The following BRINP3 variants were observed in gnomAD, a reference collection of about 807,000 sequenced individuals.
BRINP3 encodes BMP/retinoic acid inducible neural specific 3, also known as BMP/retinoic acid-inducible neural-specific protein 3.
A neutral mutation model predicts 71.0 loss-of-function variants in BRINP3; 19 were observed. The ratio of observed to expected loss-of-function variants is 0.27; its 90% confidence interval spans 0.19 to 0.39. The LOEUF is 0.39. BRINP3 is among the 10% of genes least tolerant of loss of function. BRINP3 has a pLI of 1.00. For synonymous variants in BRINP3, 380 were observed against 337.7 expected (o/e 1.13, Z -1.37); for missense variants, 959 against 940.8 (o/e 1.02, Z -0.25).
chr1:190,257,931 T>TG (rs1346651444), intron 4 of BRINP3, among the ~76,000 whole-genome samples: 1 of 152,148 alleles, frequency 6.6e-6, no homozygotes, highest in Non-Finnish European at 1.5e-5. Context: ...TTAGGCTACA[T>TG]GGGGGGTCAG....
At chr1:190,221,699 G>T (rs1656907307) in intron 6 of BRINP3, among the ~76,000 whole-genome samples, 1 of 152,078 alleles carries the variant, frequency 6.6e-6, no homozygotes, top group Non-Finnish European at 1.5e-5. Flanking sequence ...GATACACATA[G>T]ACTGAGCGTG....
At position 190,329,449 on chromosome 1, in the gene BRINP3, A is replaced by C. The variant is rs115221173; in HGVS notation, c.237-47699T>G. Among the ~76,000 whole-genome samples the C allele has an allele frequency of 7.0e-3, 1,071 of 152,124 alleles. 11 individuals are homozygous for C. Among genetic ancestry groups the C allele is most frequent in the African/African-American group, 0.022 (923 of 41,546 alleles). ...TTTACAATATCTGCACACACACAAA[A>C]AAAAAATACCTAGAAATATGTCTAA... On this transcript the variant is annotated intron_variant, in intron 2 of 7. Coordinates refer to ENST00000367462, the MANE Select transcript of BRINP3 (RefSeq NM_199051.3).
chr1:190,328,453 C>T (rs922092065), intron 2 of BRINP3, among the ~76,000 whole-genome samples: 3 of 151,866 alleles, frequency 2.0e-5, no homozygotes, highest in Admixed American at 6.6e-5. Flanking sequence ...TCTAGAAAAT[C>T]TAGAGGACAC....
At chr1:190,107,249 A>G (rs1025945514) in intron 7 of BRINP3, among the ~76,000 whole-genome samples, 3 of 151,928 alleles carry the variant, frequency 2.0e-5, no homozygotes, top group African/African-American at 7.2e-5. Flanking sequence ...TCATTACTCA[A>G]TAAGATATTT....
chr1:190,224,455 ATC>A (rs1284551803), intron 6 of BRINP3, among the ~76,000 whole-genome samples: 1 of 151,796 alleles, frequency 6.6e-6, no homozygotes, highest in Non-Finnish European at 1.5e-5. Context: ...CTAGACCCCT[ATC>A]TCTCACCATA....
At chr1:190,248,967 A>G (rs997808992) in intron 4 of BRINP3, among the ~76,000 whole-genome samples, 1 of 151,928 alleles carries the variant, frequency 6.6e-6, no homozygotes, top group Admixed American at 6.6e-5. Flanking sequence ...TTTCCCTATC[A>G]GCTATATTTC....
At chr1:190,262,557 A>T (rs2102865541) in intron 4 of BRINP3, among the ~76,000 whole-genome samples, 1 of 152,196 alleles carries the variant, frequency 6.6e-6, no homozygotes, top group East Asian at 1.9e-4. Flanking sequence ...ACCTAGTATG[A>T]AGCCCCCTTT....
At chr1:190,361,654 G>C in intron 2 of BRINP3, among the ~76,000 whole-genome samples, 1 of 151,944 alleles carries the variant, frequency 6.6e-6, no homozygotes, top group East Asian at 1.9e-4. Flanking sequence ...CGCCCACCTT[G>C]GCCTCCCAAA....
chr1:190,412,480 T>TTTTTA, intron 2 of BRINP3, among the ~76,000 whole-genome samples: 1 of 145,684 alleles, frequency 6.9e-6, no homozygotes, highest in African/African-American at 2.5e-5. Flanking sequence ...TTTTTTTTTT[T>TTTTTA]GAGACGGAGT....
chr1:190,215,709 G>A (rs1656352597), intron 6 of BRINP3, among the ~76,000 whole-genome samples: 2 of 151,838 alleles, frequency 1.3e-5, no homozygotes, highest in African/African-American at 4.8e-5. Context: ...TTCTCTAACA[G>A]TTACACCTAG....
intron 2 of BRINP3, among the ~76,000 whole-genome samples, chr1:190,413,061 T>G (rs1672794058): frequency 6.6e-6 from 1 of 152,176 alleles, no homozygotes; most frequent in Non-Finnish European, 1.5e-5. Context: ...AGTAATAACT[T>G]TTTAAAAGAA....
intron 2 of BRINP3, among the ~76,000 whole-genome samples, chr1:190,447,935 C>A (rs12022211): frequency 0.35 from 53,372 of 151,292 alleles, 9,638 homozygotes; most frequent in African/African-American, 0.4. Flanking sequence ...AACCTATAAA[C>A]CTTTACACAA....
chr1:190,325,673 T>C (rs928687169), intron 2 of BRINP3, among the ~76,000 whole-genome samples: 1 of 152,090 alleles, frequency 6.6e-6, no homozygotes, highest in African/African-American at 2.4e-5. Flanking sequence ...TATGTAACTA[T>C]TCAGAAGACA....
intron 4 of BRINP3, among the ~76,000 whole-genome samples, chr1:190,251,069 C>CAAT (rs1660096886): frequency 6.6e-6 from 1 of 150,628 alleles, no homozygotes. Context: ...ATAATAACAA[C>CAAT]AACAATAATA....
chr1:190,229,777 T>A (rs1657780708), intron 5 of BRINP3, among the ~76,000 whole-genome samples: 1 of 151,964 alleles, frequency 6.6e-6, no homozygotes, highest in African/African-American at 2.4e-5. Context: ...AAACTAAATC[T>A]TCTCTGAAGG....
At position 190,195,584 on chromosome 1, in the gene BRINP3, A is replaced by C. The variant is rs537170186; in HGVS notation, c.961+30498T>G. ...ACTTTTCCTTCAAATTTTCCTATGT[A>C]TTATACGTATGAAGAATTCCTTTTC... On this transcript the variant is annotated intron_variant, in intron 6 of 7. Coordinates refer to ENST00000367462, the MANE Select transcript of BRINP3 (RefSeq NM_199051.3). Among the ~76,000 whole-genome samples, 12 of 152,134 alleles carry C rather than the reference A, an allele frequency of 7.9e-5. No individual in the cohort carries two copies. In the South Asian group the frequency reaches 2.5e-3, roughly 32 times the overall value.
At chr1:190,275,962 T>G (rs12048435) in intron 3 of BRINP3, among the ~76,000 whole-genome samples, 109,205 of 147,294 alleles carry the variant, frequency 0.74, 41,637 homozygotes, top group Non-Finnish European at 0.87. Context: ...TATATATATA[T>G]AGAGAGAGAG....
At chr1:190,406,496 A>G (rs991771087) in intron 2 of BRINP3, among the ~76,000 whole-genome samples, 1 of 152,214 alleles carries the variant, frequency 6.6e-6, no homozygotes, top group South Asian at 2.1e-4. Flanking sequence ...AGTGATATAA[A>G]ATAGAGTACA....
At chr1:190,169,190 A>G (rs1571897360) in intron 6 of BRINP3, among the ~76,000 whole-genome samples, 1 of 152,196 alleles carries the variant, frequency 6.6e-6, no homozygotes, top group Admixed American at 6.5e-5. Flanking sequence ...ATTTATATTG[A>G]GAGTCTGGTG....
Sources: allele counts gnomAD v4.1 joint callset (sites outside exome capture counted in the v4.1 genomes callset), GRCh38; gene constraint gnomAD v4.1.1; transcripts MANE v1.5; gene names NCBI Gene and HGNC (gene_info 2026-07-23, HGNC 2026-07-21).